FAM110B: variants seen among roughly 807,000 people sequenced by gnomAD.
FAM110B encodes family with sequence similarity 110 member B, also known as protein FAM110B.
FAM110B carries 6 observed loss-of-function variants against 20.4 expected under a neutral mutation model. The ratio of observed to expected loss-of-function variants is 0.29; its 90% confidence interval spans 0.16 to 0.58. The LOEUF (loss-of-function observed/expected upper bound fraction) is 0.58, where lower values mean the gene tolerates loss of function less well. Among genes scored for constraint, FAM110B ranks in the 20% least tolerant of loss-of-function variants. The probability of loss-of-function intolerance (pLI) is 0.90; values close to 1 mark genes in which losing one functional copy is unlikely to be tolerated. For synonymous variants in FAM110B, 226 were observed against 214.1 expected, an observed-to-expected ratio of 1.06 and a Z score of -0.49; for missense variants, 434 against 498.2, an observed-to-expected ratio of 0.87 and a Z score of 1.23.
At chr8:58,010,245 C>T (rs1343919650) in intron 1 of FAM110B, among the ~76,000 whole-genome samples, 4 of 151,146 alleles carry the variant, frequency 2.6e-5, no homozygotes, top group Non-Finnish European at 5.9e-5. Context: ...TGGTCTCGAA[C>T]TCCTGACCTG....
chr8:58,069,399 G>A (rs1411931293), intron 2 of FAM110B, among the ~76,000 whole-genome samples: 1 of 152,164 alleles, frequency 6.6e-6, no homozygotes. Context: ...ACTTGCCCAG[G>A]GTCACAGCGC....
At chr8:58,032,226 C>T (rs1035811122) in intron 2 of FAM110B, 6 of 152,212 alleles carry the variant, frequency 3.9e-5, no homozygotes, top group African/African-American at 1.4e-4. Context: ...TTAACTTCCC[C>T]AATTGGGACT....
At chr8:58,087,342 G>C (rs1324229425) in intron 3 of FAM110B, among the ~76,000 whole-genome samples, 1 of 152,178 alleles carries the variant, frequency 6.6e-6, no homozygotes, top group Non-Finnish European at 1.5e-5. Flanking sequence ...CCAGTTCTCT[G>C]ATTTAAGGCT....
intron 3 of FAM110B, among the ~76,000 whole-genome samples, chr8:58,086,727 C>G (rs1297858707): frequency 1.3e-5 from 2 of 152,200 alleles, no homozygotes; most frequent in African/African-American, 4.8e-5. Context: ...GCAAAGTTCC[C>G]AGTCCCCTCA....
At position 58,051,725 on chromosome 8, in the gene FAM110B, A is replaced by G. The variant is rs559987480; in HGVS notation, c.-414+20022A>G. On this transcript the variant is annotated intron_variant, in intron 2 of 3. Coordinates refer to ENST00000519262, the MANE Select transcript of FAM110B (RefSeq NM_001377989.1). ...AAAGCAGGGATGGAGATAGATGTAT[A>G]TTAGTATTAAGTGCATATCAATTTG... 2.5e-4 allele frequency among the ~76,000 whole-genome samples: 38 copies of G among 152,348 alleles called. 1 individual carries two copies. In the South Asian group the frequency reaches 5.4e-3, roughly 22 times the overall value.
intron 2 of FAM110B, among the ~76,000 whole-genome samples, chr8:58,040,022 A>T (rs1319854783): frequency 6.6e-6 from 1 of 152,054 alleles, no homozygotes; most frequent in Non-Finnish European, 1.5e-5. Context: ...AAAAATTTAA[A>T]TTTTTTGTTT....
Position 58,015,219 on chromosome 8 carries a change from T to C in FAM110B, c.-511-16387T>C, listed in dbSNP as rs566664261. Among the ~76,000 whole-genome samples the C allele has an allele frequency of 1.2e-4, 18 of 152,186 alleles. 1 individual carries two copies. The South Asian group carries it at 3.5e-3, about 30-fold the overall frequency. On this transcript the variant is annotated intron_variant, in intron 1 of 3. Coordinates refer to ENST00000519262, the MANE Select transcript of FAM110B (RefSeq NM_001377989.1). Reference sequence around the variant, plus strand: ...AAAAATACAAAAAATTAGCTGGGCATGGTGTCATATGCCTGTTATCGCAGC... The same window carrying C: ...AAAAATACAAAAAATTAGCTGGGCACGGTGTCATATGCCTGTTATCGCAGC...
intron 3 of FAM110B, among the ~76,000 whole-genome samples, chr8:58,139,281 T>A (rs1803688184): frequency 6.6e-6 from 1 of 152,236 alleles, no homozygotes; most frequent in Non-Finnish European, 1.5e-5. Context: ...CGGAGCTGAT[T>A]GCTGATGGCA....
rs141220826 is a variant in FAM110B, at chr8:58,112,837, G to A, written c.-324-33070G>A. On this transcript the variant is annotated intron_variant, in intron 3 of 3. Coordinates refer to ENST00000519262, the MANE Select transcript of FAM110B (RefSeq NM_001377989.1). Reference sequence around the variant, plus strand: ...AGTCCACTTAAGGACTAAGGGCTAAGGACTTAAGGACTAAGGACTTAAGGG... The same window carrying A: ...AGTCCACTTAAGGACTAAGGGCTAAAGACTTAAGGACTAAGGACTTAAGGG... 3.6e-3 allele frequency among the ~76,000 whole-genome samples: 546 copies of A among 152,294 alleles called. 3 individuals carry two copies. The highest frequency in any genetic ancestry group is 0.013 in the African/African-American group (528 of 41,560).
In FAM110B at chr8:58,071,029, G is replaced by A. The variant is rs1462544770; in HGVS notation, c.-413-4506G>A. Among the ~76,000 whole-genome samples the A allele has an allele frequency of 2.6e-5, 4 of 152,098 alleles. No individual in the cohort carries two copies. In the East Asian group the frequency reaches 7.7e-4, roughly 29 times the overall value. The stretch of plus-strand genomic sequence containing the variant: ...TTCGTCTCATGGCTTTGTTTAGCAG[G>A]GACATTGAGTTAGGAGTTGAAACGA... On this transcript the variant is annotated intron_variant, in intron 2 of 3. Transcript: ENST00000519262.
At chr8:58,103,334 C>A (rs1203040169) in intron 3 of FAM110B, among the ~76,000 whole-genome samples, 1 of 147,502 alleles carries the variant, frequency 6.8e-6, no homozygotes, top group Non-Finnish European at 1.5e-5. Flanking sequence ...CCCTCCACCC[C>A]ACAACAGTCC....
At chr8:58,115,099 A>G (rs189112380) in intron 3 of FAM110B, among the ~76,000 whole-genome samples, 142 of 152,118 alleles carry the variant, frequency 9.3e-4, no homozygotes, top group Admixed American at 7.9e-4. Context: ...TTGACTAACA[A>G]TCTTTTCCAA....
At position 58,047,122 on chromosome 8, in the gene FAM110B, T is replaced by G. The variant is rs73681777; in HGVS notation, c.-414+15419T>G. Among the ~76,000 whole-genome samples, 1,251 of 152,308 alleles carry G rather than the reference T, an allele frequency of 8.2e-3. 29 individuals are homozygous for G. Among genetic ancestry groups the G allele is most frequent in the African/African-American group, 0.028 (1,182 of 41,550 alleles). On this transcript the variant is annotated intron_variant, in intron 2 of 3. Coordinates refer to ENST00000519262, the MANE Select transcript of FAM110B (RefSeq NM_001377989.1). ...ATATTGAAAATAATATTCCAGGAGA[T>G]AATTTGATTAGGTAGAAAATGCAAA...
intron 3 of FAM110B, among the ~76,000 whole-genome samples, chr8:58,136,052 T>G (rs1803605523): frequency 7.8e-6 from 1 of 127,508 alleles, no homozygotes; most frequent in African/African-American, 3.0e-5. Flanking sequence ...TAGCTGTGTC[T>G]CCAGGCTGAA....
chr8:58,086,690 TAAAATACTCTAC>T (rs1806345294), intron 3 of FAM110B, among the ~76,000 whole-genome samples: 1 of 152,234 alleles, frequency 6.6e-6, no homozygotes, highest in Non-Finnish European at 1.5e-5. Context: ...CTCTCATATG[TAAAATACTCTAC>T]AAACTGCCAC....
At chr8:58,109,088 C>T (rs1476766793) in intron 3 of FAM110B, among the ~76,000 whole-genome samples, 2 of 152,192 alleles carry the variant, frequency 1.3e-5, no homozygotes, top group Admixed American at 6.5e-5. Context: ...TACAGCACGT[C>T]GCACATTGTG....
chr8:58,052,093 A>T lies in FAM110B; in HGVS notation c.-414+20390A>T, dbSNP rs188328570. The stretch of plus-strand genomic sequence containing the variant: ...TCCACTGTTTGACTGAAGAATTTTT[A>T]AAATAAAAAATCAAAACATGGGAAT... On this transcript the variant is annotated intron_variant, in intron 2 of 3. Coordinates refer to ENST00000519262, the MANE Select transcript of FAM110B (RefSeq NM_001377989.1). Among the ~76,000 whole-genome samples the T allele has an allele frequency of 6.7e-3, 1,025 of 152,320 alleles. 13 individuals carry two copies. The highest frequency in any genetic ancestry group is 0.023 in the African/African-American group (964 of 41,576).
At chr8:58,076,425 G>C (rs1184403426) in intron 3 of FAM110B, among the ~76,000 whole-genome samples, 1 of 152,186 alleles carries the variant, frequency 6.6e-6, no homozygotes, top group Non-Finnish European at 1.5e-5. Flanking sequence ...GACTGAGGAG[G>C]TGGAGCATCT....
chr8:58,137,491 C>T (rs1471955680), intron 3 of FAM110B, among the ~76,000 whole-genome samples: 5 of 152,074 alleles, frequency 3.3e-5, no homozygotes, highest in South Asian at 4.2e-4. Flanking sequence ...AAATAGGAGG[C>T]GGAGGTTGCA....
Sources: gnomAD v4.1 joint callset for allele counts (sites outside exome capture counted in the v4.1 genomes callset) on GRCh38, gnomAD v4.1.1 for gene constraint, MANE v1.5 for transcripts, NCBI Gene and HGNC (gene_info 2026-07-23, HGNC 2026-07-21) for gene names.